CDC123: variants seen among roughly 807,000 people sequenced by gnomAD.
CDC123 encodes the protein cell division cycle 123.
CDC123 carries 37 observed loss-of-function variants against 54.4 expected under a neutral mutation model. The ratio of observed to expected loss-of-function variants is 0.68; its 90% confidence interval spans 0.52 to 0.89. CDC123 has a LOEUF of 0.89. CDC123 is among the 40% of genes least tolerant of loss of function. The probability of loss-of-function intolerance (pLI) is 0.00; values close to 1 mark genes in which losing one functional copy is unlikely to be tolerated. For synonymous variants in CDC123, 144 were observed against 136.8 expected, an observed-to-expected ratio of 1.05 and a Z score of -0.37; for missense variants, 361 against 412.1, an observed-to-expected ratio of 0.88 and a Z score of 1.07.
chr10:12,221,756 A>T (rs1427579392), intron 6 of CDC123, among the ~76,000 whole-genome samples: 1 of 150,486 alleles, frequency 6.6e-6, no homozygotes, highest in Non-Finnish European at 1.5e-5. Flanking sequence ...TTTATTTTTT[A>T]AATAAATTTT....
At chr10:12,198,946 A>G (rs1835401059) in intron 2 of CDC123, 170 bp downstream of exon 2, 2 of 516,038 alleles carry the variant, frequency 3.9e-6, no homozygotes, top group Non-Finnish European at 6.9e-6. Flanking sequence ...AATATTTTCA[A>G]CATTAAGTAC....
At chr10:12,229,957 G>C (rs1189593467) in intron 6 of CDC123, among the ~76,000 whole-genome samples, 1 of 150,094 alleles carries the variant, frequency 6.7e-6, no homozygotes, top group African/African-American at 2.5e-5. Flanking sequence ...CAAGAACGTG[G>C]ACAATGACAG....
intron 2 of CDC123, among the ~76,000 whole-genome samples, chr10:12,208,159 A>G (rs1157310817): frequency 3.3e-5 from 5 of 152,094 alleles, no homozygotes; most frequent in Admixed American, 3.3e-4. Context: ...TTTAACCAGA[A>G]TCTTCCTTTT....
At chr10:12,206,915 C>T (rs528987339) in intron 2 of CDC123, among the ~76,000 whole-genome samples, 28 of 147,726 alleles carry the variant, frequency 1.9e-4, no homozygotes, top group African/African-American at 5.8e-4. Context: ...GCTGAAATCA[C>T]GCCACTGCAC....
In CDC123 at chr10:12,248,498, C is replaced by T. The variant is rs192547574; in HGVS notation, c.847-1083C>T. Among the ~76,000 whole-genome samples, 63 of 143,758 alleles carry T rather than the reference C, an allele frequency of 4.4e-4. 1 individual carries two copies. Among genetic ancestry groups the T allele is most frequent in the African/African-American group, 1.4e-3 (55 of 38,128 alleles). The allele number at this position is 143,758 out of a possible 152,430, so 94.3% of individuals were successfully genotyped here. A position where few individuals can be genotyped will look rare whatever the true frequency, so the allele number is the denominator to read the frequency against. On this transcript the variant is annotated intron_variant, in intron 11 of 12. Transcript: ENST00000281141. ...TTGCACTCCAGCCTGGGTGACAGAGCGGGACTCCGTCTCAAAAAAAAAACA... is the reference window on the plus strand; with the variant it reads ...TTGCACTCCAGCCTGGGTGACAGAGTGGGACTCCGTCTCAAAAAAAAAACA...
At chr10:12,209,069 C>G (rs767011218) in intron 2 of CDC123, among the ~76,000 whole-genome samples, 1 of 152,174 alleles carries the variant, frequency 6.6e-6, no homozygotes, top group Non-Finnish European at 1.5e-5. Flanking sequence ...TTCCATCTTT[C>G]CTTTCTTGAG....
At chr10:12,249,928 A>C (rs963158350) in intron 12 of CDC123, 7 of 615,686 alleles carry the variant, frequency 1.1e-5, no homozygotes, top group Admixed American at 3.6e-5. Context: ...AAATGTTTTT[A>C]TGCTGTACAT....
intron 7 of CDC123, among the ~76,000 whole-genome samples, chr10:12,233,278 T>TACACACACACACACACAC (rs57596982): frequency 1.4e-5 from 2 of 145,570 alleles, no homozygotes; most frequent in East Asian, 2.0e-4. Flanking sequence ...GTATTTAAAA[T>TACACACACACACACACAC]ACACACACAC....
At chr10:12,233,091 C>G (rs536344809) in intron 7 of CDC123, among the ~76,000 whole-genome samples, 1 of 152,058 alleles carries the variant, frequency 6.6e-6, no homozygotes, top group Non-Finnish European at 1.5e-5. Context: ...CATCATCTAC[C>G]TCCAAGATTT....
intron 4 of CDC123, among the ~76,000 whole-genome samples, chr10:12,211,240 C>G (rs1401275709): frequency 1.3e-4 from 1 of 7,924 alleles, no homozygotes; most frequent in Non-Finnish European, 3.1e-4. Context: ...CTCCTCATAC[C>G]TTGAGTTGAC....
intron 10 of CDC123, among the ~76,000 whole-genome samples, chr10:12,240,632 G>A (rs1836044336): frequency 6.6e-6 from 1 of 152,190 alleles, no homozygotes; most frequent in Non-Finnish European, 1.5e-5. Context: ...TCAGCATTTT[G>A]GGAGGCTGAG....
chr10:12,218,760 G>C (rs997228113), intron 6 of CDC123, among the ~76,000 whole-genome samples: 1 of 152,136 alleles, frequency 6.6e-6, no homozygotes, highest in African/African-American at 2.4e-5. Context: ...TTCTAGAAGT[G>C]GAATTGCTGT....
intron 4 of CDC123, among the ~76,000 whole-genome samples, chr10:12,213,309 C>T (rs769164534): frequency 6.6e-6 from 1 of 152,176 alleles, no homozygotes; most frequent in Non-Finnish European, 1.5e-5. Flanking sequence ...CCTCCTGATA[C>T]GATGCATGGG....
chr10:12,231,145 A>G, intron 7 of CDC123, 149 bp downstream of exon 7: 1 of 639,220 alleles, frequency 1.6e-6, no homozygotes, highest in Non-Finnish European at 2.7e-6. Flanking sequence ...TGAAATATAC[A>G]CATAAAAGGA....
At chr10:12,237,113 A>G in intron 8 of CDC123, 31 bp from the exon 9 acceptor site, 1 of 1,507,302 alleles carries the variant, frequency 6.6e-7, no homozygotes, top group Non-Finnish European at 8.8e-7. Flanking sequence ...AATATTGTAT[A>G]ATAACAGGAT....
chr10:12,238,522 G>A (rs1291597715), intron 10 of CDC123, 37 bp downstream of exon 10: 11 of 1,599,080 alleles, frequency 6.9e-6, no homozygotes, highest in East Asian at 2.3e-5. Context: ...TTTAATATAA[G>A]AGCTGGTTTT....
intron 7 of CDC123, among the ~76,000 whole-genome samples, chr10:12,232,054 C>T (rs1241967837): frequency 6.6e-6 from 1 of 151,984 alleles, no homozygotes; most frequent in East Asian, 1.9e-4. Flanking sequence ...ACCATGTTGG[C>T]CAGGCTGGTC....
chr10:12,232,851 T>C (rs1304073722), intron 7 of CDC123, among the ~76,000 whole-genome samples: 1 of 151,282 alleles, frequency 6.6e-6, no homozygotes, highest in African/African-American at 2.4e-5. Context: ...TGGCGCCATC[T>C]CCGGTTCACG....
At chr10:12,232,021 A>G (rs1477988916) in intron 7 of CDC123, among the ~76,000 whole-genome samples, 3 of 151,656 alleles carry the variant, frequency 2.0e-5, no homozygotes, top group South Asian at 2.1e-4. Flanking sequence ...TAATTTTTGT[A>G]TTTTTAGTAG....
Sources: gnomAD v4.1 joint callset for allele counts (sites outside exome capture counted in the v4.1 genomes callset) on GRCh38, gnomAD v4.1.1 for gene constraint, MANE v1.5 for transcripts, NCBI Gene and HGNC (gene_info 2026-07-23, HGNC 2026-07-21) for gene names.